The following MACROD2 variants were observed in gnomAD, a reference collection of about 807,000 sequenced individuals.
MACROD2 encodes the protein mono-ADP ribosylhydrolase 2, also known as ADP-ribose glycohydrolase MACROD2.
A neutral mutation model predicts 70.4 loss-of-function variants in MACROD2; 36 were observed. That is an observed-to-expected ratio of 0.51 (90% CI 0.39 to 0.68). The LOEUF (loss-of-function observed/expected upper bound fraction) is 0.68, where lower values mean the gene tolerates loss of function less well. Ranked by LOEUF, MACROD2 falls within the 30% of genes least tolerant of loss-of-function variation. The pLI, the probability that MACROD2 is intolerant of heterozygous loss-of-function variation, is 0.00. For missense variants in MACROD2, 496 were observed against 538.4 expected (o/e 0.92, Z 0.78); for synonymous variants, 172 against 178.8 (o/e 0.96, Z 0.30).
chr20:14,717,378 G>A (rs1011513995), intron 5 of MACROD2, among the ~76,000 whole-genome samples: 2 of 152,178 alleles, frequency 1.3e-5, no homozygotes, highest in Admixed American at 1.3e-4. Context: ...GTGGTAAGAG[G>A]AAATATTAAT....
chr20:15,550,288 A>ATTCAG (rs2048078481), intron 8 of MACROD2, among the ~76,000 whole-genome samples: 2 of 149,172 alleles, frequency 1.3e-5, no homozygotes, highest in Non-Finnish European at 1.5e-5. Context: ...GAAATATTTA[A>ATTCAG]ATAAATATTT....
chr20:15,366,584 T>G (rs2045411998), intron 6 of MACROD2, among the ~76,000 whole-genome samples: 1 of 152,204 alleles, frequency 6.6e-6, no homozygotes, highest in African/African-American at 2.4e-5. Context: ...GGTCTTACTC[T>G]GTTGCCCAGG....
intron 5 of MACROD2, among the ~76,000 whole-genome samples, chr20:15,205,836 GC>G (rs2076696734): frequency 6.6e-6 from 1 of 152,186 alleles, no homozygotes; most frequent in South Asian, 2.1e-4. Context: ...TTATACTCCA[GC>G]TTTTGTTAAA....
intron 8 of MACROD2, among the ~76,000 whole-genome samples, chr20:15,699,142 G>T (rs527529197): frequency 6.6e-6 from 1 of 152,146 alleles, no homozygotes; most frequent in Non-Finnish European, 1.5e-5. Flanking sequence ...TTACTGGGGG[G>T]CGTTGAAGAG....
chr20:14,708,201 A>G (rs1044942161), intron 5 of MACROD2, among the ~76,000 whole-genome samples: 1 of 152,224 alleles, frequency 6.6e-6, no homozygotes, highest in African/African-American at 2.4e-5. Flanking sequence ...TTTTCTGTTC[A>G]TTACGACATT....
intron 4 of MACROD2, among the ~76,000 whole-genome samples, chr20:14,571,594 C>G (rs986792895): frequency 6.6e-6 from 1 of 151,948 alleles, no homozygotes; most frequent in Non-Finnish European, 1.5e-5. Context: ...TTGGAGCATG[C>G]GTAGCAAAGA....
At chr20:15,351,521 C>A (rs1253202258) in intron 6 of MACROD2, among the ~76,000 whole-genome samples, 1 of 152,122 alleles carries the variant, frequency 6.6e-6, no homozygotes, top group Non-Finnish European at 1.5e-5. Context: ...ACAGTGGAAA[C>A]CTCCTGTTTG....
intron 5 of MACROD2, among the ~76,000 whole-genome samples, chr20:15,053,438 T>G (rs1270767938): frequency 6.6e-6 from 1 of 152,170 alleles, no homozygotes; most frequent in Non-Finnish European, 1.5e-5. Context: ...TCTATCGTCC[T>G]TAAGAATTAT....
At chr20:15,668,491 C>CTGGGAGGCG (rs898003924) in intron 8 of MACROD2, among the ~76,000 whole-genome samples, 3 of 152,018 alleles carry the variant, frequency 2.0e-5, no homozygotes, top group African/African-American at 7.3e-5. Flanking sequence ...TGGCTTGAAC[C>CTGGGAGGCG]TGGGAGGCGG....
intron 7 of MACROD2, among the ~76,000 whole-genome samples, chr20:15,490,641 C>T (rs1487845050): frequency 6.6e-6 from 1 of 152,044 alleles, no homozygotes; most frequent in African/African-American, 2.4e-5. Flanking sequence ...CGACGAAGTC[C>T]ACCGGAGTCA....
intron 2 of MACROD2, among the ~76,000 whole-genome samples, chr20:14,043,181 A>G (rs1047484843): frequency 6.6e-6 from 1 of 152,016 alleles, no homozygotes; most frequent in Admixed American, 6.5e-5. Context: ...TGGCCTTCCA[A>G]AGTGCTGGGA....
At chr20:15,239,861 A>G (rs536264215) in intron 6 of MACROD2, among the ~76,000 whole-genome samples, 2 of 152,172 alleles carry the variant, frequency 1.3e-5, no homozygotes, top group African/African-American at 2.4e-5. Flanking sequence ...TACCATCTCT[A>G]CCCTCTCAAT....
chr20:15,886,430 T>C (rs560998687), intron 10 of MACROD2, among the ~76,000 whole-genome samples: 2 of 152,280 alleles, frequency 1.3e-5, no homozygotes, highest in Admixed American at 6.5e-5. Context: ...TGTAATTCAT[T>C]CTTTGGAATA....
intron 8 of MACROD2, among the ~76,000 whole-genome samples, chr20:15,652,977 T>C (rs2146799667): frequency 6.6e-6 from 1 of 152,308 alleles, no homozygotes; most frequent in East Asian, 1.9e-4. Context: ...GCCTGATAAT[T>C]GCATTATCTC....
At chr20:15,788,788 G>A (rs907580374) in intron 8 of MACROD2, among the ~76,000 whole-genome samples, 2 of 152,142 alleles carry the variant, frequency 1.3e-5, no homozygotes, top group Admixed American at 6.5e-5. Context: ...AAGTTAAAAT[G>A]ACAGACCTAT....
intron 5 of MACROD2, among the ~76,000 whole-genome samples, chr20:14,719,484 A>AAAG (rs1555821034): frequency 3.3e-5 from 5 of 150,614 alleles, no homozygotes; most frequent in Non-Finnish European, 2.9e-5. Flanking sequence ...AAAAAAAAAA[A>AAAG]AAAGAAAGAA....
intron 5 of MACROD2, among the ~76,000 whole-genome samples, chr20:14,834,105 T>C (rs1600709446): frequency 6.6e-6 from 1 of 152,118 alleles, no homozygotes; most frequent in East Asian, 1.9e-4. Context: ...TGTTGCTATG[T>C]AGATATGAAA....
At chr20:15,444,329 G>A (rs2046534191) in intron 7 of MACROD2, among the ~76,000 whole-genome samples, 1 of 152,078 alleles carries the variant, frequency 6.6e-6, no homozygotes, top group Admixed American at 6.6e-5. Flanking sequence ...TCTACTTTTT[G>A]GCTGTTGTGA....
chr20:14,959,561 A>G lies in MACROD2; in HGVS notation c.419-270379A>G, dbSNP rs540777510. The stretch of plus-strand genomic sequence containing the variant: ...ACCAACCAACAAAAACCCAGAACAC[A>G]CATAGGCTGGAACACAAGGGGATAA... On this transcript the variant is annotated intron_variant, in intron 5 of 17. Transcript: ENST00000684519. Among the ~76,000 whole-genome samples the G allele has an allele frequency of 5.9e-4, 89 of 151,680 alleles. 1 individual carries two copies. The South Asian group carries it at 7.0e-3, about 12-fold the overall frequency.
Sources: allele counts gnomAD v4.1 joint callset (sites outside exome capture counted in the v4.1 genomes callset), GRCh38; gene constraint gnomAD v4.1.1; transcripts MANE v1.5; gene names NCBI Gene and HGNC (gene_info 2026-07-23, HGNC 2026-07-21).